MROH2A: variants seen among roughly 807,000 people sequenced by gnomAD.
MROH2A encodes maestro heat-like repeat-containing protein family member 2A.
Under a neutral mutation model 200.4 loss-of-function variants are expected in MROH2A, and 174 were observed. The ratio of observed to expected loss-of-function variants is 0.87; its 90% confidence interval spans 0.77 to 0.98. The LOEUF is 0.98. Among genes scored for constraint, MROH2A ranks in the 50% least tolerant of loss-of-function variants. The pLI, the probability that MROH2A is intolerant of heterozygous loss-of-function variation, is 0.00. For synonymous variants in MROH2A, 829 were observed against 840.4 expected, an observed-to-expected ratio of 0.99 and a Z score of 0.23; for missense variants, 2,045 against 2,139.6, an observed-to-expected ratio of 0.96 and a Z score of 0.87.
At position 233,797,242 on chromosome 2, in the gene MROH2A, A is replaced by G. The variant is rs28900429; in HGVS notation, c.1252+929A>G. On this transcript the variant is annotated intron_variant, in intron 11 of 41. Coordinates refer to ENST00000389758, the MANE Select transcript of MROH2A (RefSeq NM_001394639.1). ...ACTTCAGTGACAGAGATGTAAATCAATAAATGATTTTGGGTGCTCAATTGG... is the reference window on the plus strand; with the variant it reads ...ACTTCAGTGACAGAGATGTAAATCAGTAAATGATTTTGGGTGCTCAATTGG... Among the ~76,000 whole-genome samples the G allele has an allele frequency of 7.4e-3, 1,127 of 152,366 alleles. 12 individuals are homozygous for G. The highest frequency in any genetic ancestry group is 0.026 in the African/African-American group (1,068 of 41,582).
chr2:233,833,338 G>C lies in MROH2A; in HGVS notation c.*79G>C, dbSNP rs576901459. 1.2e-5 allele frequency: 16 copies of C among 1,389,468 alleles called. No homozygotes were observed. The African/African-American group carries it at 2.1e-4, about 18-fold the overall frequency. 86.1% of individuals were successfully genotyped at this position (1,389,468 alleles called of 1,614,324 possible). Reference sequence around the variant, plus strand: ...TTTAATTTAGTTTGTAAGAAGTTTAGTTTGTAGGAAAAACACTATTGTAAA... The same window carrying C: ...TTTAATTTAGTTTGTAAGAAGTTTACTTTGTAGGAAAAACACTATTGTAAA... On this transcript the variant is annotated 3_prime_UTR_variant, in exon 42 of 42. Coordinates refer to ENST00000389758, the MANE Select transcript of MROH2A (RefSeq NM_001394639.1).
intron 23 of MROH2A, 62 bp from the exon 24 acceptor site, chr2:233,811,818 C>A (rs1559467737): frequency 9.4e-7 from 1 of 1,062,362 alleles, no homozygotes; most frequent in Non-Finnish European, 1.4e-6. Context: ...CATGCTAACA[C>A]TGGGGAGTGC....
At chr2:233,808,301 G>A (rs1006166674) in intron 21 of MROH2A, among the ~76,000 whole-genome samples, 1 of 152,340 alleles carries the variant, frequency 6.6e-6, no homozygotes, top group Admixed American at 6.5e-5. Context: ...CTGTTGCAGG[G>A]TGAGAACACT....
rs773931326 is a variant in MROH2A at position 233,829,636 on chromosome 2, G to A, written c.4463G>A (p.Arg1488His). The change falls in exon 38 of 42, where the codon CGT becomes CAT. Residue 1488 changes from arginine (R) to histidine (H), a missense_variant. This residue lies in a region of MROH2A where 1,201 missense variants were observed against 1,311.3 expected (regional missense o/e 0.92). Coordinates refer to ENST00000389758, the MANE Select transcript of MROH2A (RefSeq NM_001394639.1). ...IFFDNESELLRLKAFILFGKL... is the reference protein window; with the variant it reads ...IFFDNESELLHLKAFILFGKL... ...TGGCCACAGGAGAGCGAGCTGCTGC[G>A]TCTGAAAGCCTTCATCCTCTTTGGA... is the stretch of plus-strand genomic sequence containing the variant. 1.6e-5 allele frequency: 23 copies of A among 1,439,968 alleles called. No individual in the cohort carries two copies. The highest frequency in any genetic ancestry group is 5.6e-5 in the East Asian group (2 of 35,526). The allele number at this position is 1,439,968 out of a possible 1,614,324, so 89.2% of individuals were successfully genotyped here.
In MROH2A at chr2:233,790,007, C is replaced by T. The variant is rs553616004; in HGVS notation, c.564C>T (p.Asn188=). The change falls in exon 5 of 42, where the codon AAC becomes AAT. Residue 188 remains asparagine (N), a synonymous_variant. Coordinates refer to ENST00000389758, the MANE Select transcript of MROH2A (RefSeq NM_001394639.1). ...FVIITLAKLA[N]GNVFEFMPYM... ...TCATCACACTGGCCAAGCTGGCCAA[C>T]GGCAATGGTAGGGGCTTGAGGGCCC... The T allele has an allele frequency of 1.4e-4, 210 of 1,548,366 alleles. No homozygotes were observed. Among genetic ancestry groups the T allele is most frequent in the Middle Eastern group, 5.3e-4 (3 of 5,698 alleles).
intron 5 of MROH2A, among the ~76,000 whole-genome samples, chr2:233,791,742 GC>G (rs752671750): frequency 6.6e-6 from 1 of 152,120 alleles, no homozygotes; most frequent in Non-Finnish European, 1.5e-5. Flanking sequence ...AGGGGTGCAG[GC>G]CCCCGTGATG....
intron 5 of MROH2A, 88 bp downstream of exon 5, chr2:233,790,102 C>T (rs1229271727): frequency 5.8e-6 from 7 of 1,217,280 alleles, no homozygotes; most frequent in Non-Finnish European, 6.7e-6. Context: ...CTATGTTCAC[C>T]TCTTCCTCTT....
At chr2:233,829,881 TCAGTTGGTTTTCTCTGAGATCC>T in intron 38 of MROH2A, 106 bp downstream of exon 38, 2 of 1,107,238 alleles carry the variant, frequency 1.8e-6, no homozygotes, top group South Asian at 7.4e-5. Flanking sequence ...TTTCTCTGCC[TCAGTTGGTTTTCTCTGAGATCC>T]CAGAGGCCAC....
Position 233,800,222 on chromosome 2 carries a change from G to T in MROH2A, c.1467G>T (p.Lys489Asn). The change falls in exon 14 of 42, where the codon AAG (lysine) becomes AAT (asparagine). Residue 489 changes from lysine (K) to asparagine (N), a missense_variant. By Grantham distance (94) the Lys-to-Asn change is moderately conservative. Around this residue, in one of 3 missense-constraint regions of MROH2A, gnomAD observed 831 missense variants for 800.0 expected, o/e 1.04. Coordinates refer to ENST00000389758, the MANE Select transcript of MROH2A (RefSeq NM_001394639.1). ...STYKLTNRRE[K>N]FYQRDLEERM... ...TCTTCCAGACAAATCGCCGGGAGAA[G>T]TTTTATCAGAGGGACTTGGAGGAGA... is the stretch of plus-strand genomic sequence containing the variant. The T allele has an allele frequency of 6.5e-7, 1 of 1,549,238 alleles. No homozygotes were observed. Among genetic ancestry groups the T allele is most frequent in the Non-Finnish European group, 8.7e-7 (1 of 1,146,406 alleles).
chr2:233,816,079 TTGAC>T (rs1703506918), intron 26 of MROH2A, among the ~76,000 whole-genome samples: 1 of 152,220 alleles, frequency 6.6e-6, no homozygotes, highest in Non-Finnish European at 1.5e-5. Context: ...TCCTTTTAAA[TTGAC>T]TGAGATTTAT....
rs1194877973 is a variant in MROH2A, at chr2:233,823,747, A to G, written c.4113+83A>G. On this transcript the variant is annotated intron_variant, in intron 35 of 41. Transcript: ENST00000389758. ...ATTCTTCTGGGGATGGCTTGTCTCCAAGGCATGGGAGTCGGGGGGACAGGC... is the reference window on the plus strand; with the variant it reads ...ATTCTTCTGGGGATGGCTTGTCTCCGAGGCATGGGAGTCGGGGGGACAGGC... The G allele has an allele frequency of 1.3e-5, 20 of 1,504,976 alleles. No homozygotes were observed. In the East Asian group the frequency reaches 5.0e-4, roughly 37 times the overall value. 93.2% of individuals were successfully genotyped at this position (1,504,976 alleles called of 1,614,324 possible).
intron 12 of MROH2A, 32 bp from the exon 13 acceptor site, chr2:233,799,748 C>T (rs1702337094): frequency 6.5e-7 from 1 of 1,549,642 alleles, no homozygotes; most frequent in Non-Finnish European, 8.7e-7. Flanking sequence ...CCCACCCCAA[C>T]CCCCAGCATG....
intron 37 of MROH2A, 84 bp from the exon 38 acceptor site, chr2:233,829,536 C>A: frequency 8.0e-7 from 1 of 1,248,088 alleles, no homozygotes; most frequent in Non-Finnish European, 1.0e-6. Flanking sequence ...GGGACCAAGG[C>A]ATTGGGTATT....
At chr2:233,801,714 C>T (rs190226000) in intron 14 of MROH2A, among the ~76,000 whole-genome samples, 36 of 152,300 alleles carry the variant, frequency 2.4e-4, no homozygotes, top group African/African-American at 8.2e-4. Flanking sequence ...GCTACCTTCA[C>T]AACAACACCT....
rs10929306 is a variant in MROH2A, at chr2:233,802,185, G to C, written c.1578G>C (p.Leu526=). The change falls in exon 15 of 42, where the codon CTG becomes CTC. Residue 526 remains leucine, a synonymous_variant. Coordinates refer to ENST00000389758, the MANE Select transcript of MROH2A (RefSeq NM_001394639.1). ...TACCCCAGGAGTTTTGGGTGAGGCT[G>C]CTGTGCTACATCATGGAGACAGACT... ...SGMTTEFWVR[L]LCYIMETDYV... The C allele has an allele frequency of 0.25, 384,816 of 1,548,822 alleles. 53,372 individuals are homozygous for C. Among genetic ancestry groups the C allele is most frequent in the African/African-American group, 0.52 (37,593 of 72,954 alleles).
At chr2:233,819,541 G>A (rs1405583336) in intron 30 of MROH2A, 72 bp downstream of exon 30, 12 of 1,450,616 alleles carry the variant, frequency 8.3e-6, no homozygotes, top group African/African-American at 1.4e-5. Context: ...GAGAGGGAAG[G>A]ACGAGGGCCT....
chr2:233,816,804 G>A lies in MROH2A; in HGVS notation c.2880G>A (p.Ser960=), dbSNP rs556590445. Residue 960 remains serine, a synonymous_variant, in exon 27 of 42, where the codon TCG becomes TCA. Transcript: ENST00000389758. The part of the protein sequence containing the change: ...MVQLLEKWIL[S]EKEWEREKAV... ...AGCTCCTGGAAAAGTGGATCTTGTC[G>A]GAGAAAGAATGGGAGCGGGAAAAGG... 1.5e-5 allele frequency: 23 copies of A among 1,550,316 alleles called. No individual in the cohort carries two copies. The highest frequency in any genetic ancestry group is 1.7e-5 in the Non-Finnish European group (20 of 1,146,826).
chr2:233,817,008 G>C, intron 27 of MROH2A, 123 bp downstream of exon 27: 1 of 637,696 alleles, frequency 1.6e-6, no homozygotes, highest in Non-Finnish European at 2.7e-6. Flanking sequence ...GGGCCCCTTG[G>C]GAGAGGCTGC....
In MROH2A at chr2:233,803,623, A is replaced by G; in HGVS notation, c.1749+135A>G. ...GCAATGAGGGAGTTTGATGCTTGGCAGGACAGATCATTCCATGTCCCTGAA... is the reference window on the plus strand; with the variant it reads ...GCAATGAGGGAGTTTGATGCTTGGCGGGACAGATCATTCCATGTCCCTGAA... On this transcript the variant is annotated intron_variant, in intron 16 of 41. Coordinates refer to ENST00000389758, the MANE Select transcript of MROH2A (RefSeq NM_001394639.1). 5 of 893,560 alleles carry G rather than the reference A, an allele frequency of 5.6e-6. No homozygotes were observed. In the East Asian group the frequency reaches 1.3e-4, roughly 24 times the overall value. 55.4% of individuals were successfully genotyped at this position (893,560 alleles called of 1,614,324 possible).
Sources: allele counts gnomAD v4.1 joint callset (sites outside exome capture counted in the v4.1 genomes callset), GRCh38; gene constraint gnomAD v4.1.1; regional missense constraint gnomAD v4.1.1; transcripts MANE v1.5; gene names NCBI Gene and HGNC (gene_info 2026-07-23, HGNC 2026-07-21).